The following DACH2 variants were observed in gnomAD, a reference collection of about 807,000 sequenced individuals.
The protein encoded by DACH2 is dachshund homolog 2.
DACH2 carries 17 observed loss-of-function variants against 35.8 expected under a neutral mutation model. That is an observed-to-expected ratio of 0.48 (90% confidence interval 0.33 to 0.71). The LOEUF is 0.71. Among genes scored for constraint, DACH2 ranks in the 30% least tolerant of loss-of-function variants. The pLI, the probability that DACH2 is intolerant of heterozygous loss-of-function variation, is 0.02. For missense variants in DACH2, 469 were observed against 472.7 expected, an observed-to-expected ratio of 0.99 and a Z score of 0.07; for synonymous variants, 195 against 177.3, an observed-to-expected ratio of 1.10 and a Z score of -0.79.
intron 6 of DACH2, among the ~76,000 whole-genome samples, chrX:86,733,079 A>G (rs1602867621): frequency 8.9e-6 from 1 of 111,823 alleles, no homozygotes; most frequent in Middle Eastern, 4.7e-3. Flanking sequence ...GAATGTTTAC[A>G]TGTGAATTAT....
At chrX:86,725,448 C>G (rs1321994282) in intron 6 of DACH2, among the ~76,000 whole-genome samples, 2 of 111,327 alleles carry the variant, frequency 1.8e-5, no homozygotes, top group Non-Finnish European at 3.8e-5. Context: ...GTGATTTCCT[C>G]CGTGGTTAGG....
intron 11 of DACH2, among the ~76,000 whole-genome samples, chrX:86,824,111 A>C (rs2042540025): frequency 1.8e-5 from 2 of 110,809 alleles, no homozygotes; most frequent in African/African-American, 6.6e-5. Flanking sequence ...GTTTTTCCCC[A>C]CCCTAGTAAG....
chrX:86,183,893 T>C (rs1398084318), intron 1 of DACH2, among the ~76,000 whole-genome samples: 1 of 111,585 alleles, frequency 9.0e-6, no homozygotes, highest in Non-Finnish European at 1.9e-5. Flanking sequence ...TTCTTCCTGG[T>C]TTAGACTTGG....
At chrX:86,784,627 G>C (rs1355296471) in intron 7 of DACH2, among the ~76,000 whole-genome samples, 2 of 111,922 alleles carry the variant, frequency 1.8e-5, no homozygotes, top group Non-Finnish European at 3.8e-5. Context: ...CTCATTATTG[G>C]ATATATGGCC....
At chrX:86,821,435 A>G (rs1356288663) in intron 11 of DACH2, among the ~76,000 whole-genome samples, 1 of 111,120 alleles carries the variant, frequency 9.0e-6, no homozygotes, top group Non-Finnish European at 1.9e-5. Flanking sequence ...CTAGCACACA[A>G]CCCACAGAGA....
chrX:86,208,938 G>A (rs757102037), intron 1 of DACH2, among the ~76,000 whole-genome samples: 100 of 111,434 alleles, frequency 9.0e-4, no homozygotes, highest in Non-Finnish European at 5.9e-4. Context: ...GCAGAATGCT[G>A]ATAGGGCCAA....
At chrX:86,741,665 CAA>C (rs2041657506) in intron 7 of DACH2, among the ~76,000 whole-genome samples, 2 of 111,469 alleles carry the variant, frequency 1.8e-5, no homozygotes, top group African/African-American at 6.5e-5. Context: ...CGAGAGTCTA[CAA>C]ATGAGTGACC....
chrX:86,308,822 T>C (rs1226815847), intron 1 of DACH2, among the ~76,000 whole-genome samples: 1 of 111,476 alleles, frequency 9.0e-6, no homozygotes, highest in East Asian at 2.8e-4. Flanking sequence ...ATAATGTCAA[T>C]GTGGTCCTTC....
chrX:86,171,521 T>C (rs928309651), intron 1 of DACH2, among the ~76,000 whole-genome samples: 1 of 111,794 alleles, frequency 8.9e-6, no homozygotes, highest in Non-Finnish European at 1.9e-5. Context: ...TGGCTCAAGT[T>C]TGGACAGCTG....
intron 1 of DACH2, among the ~76,000 whole-genome samples, chrX:86,241,755 G>T (rs1363933895): frequency 8.9e-6 from 1 of 112,406 alleles, no homozygotes; most frequent in Non-Finnish European, 1.9e-5. Flanking sequence ...TGTGAGCCAG[G>T]TCCAGGGCTC....
intron 3 of DACH2, among the ~76,000 whole-genome samples, chrX:86,521,727 G>T (rs1404902824): frequency 8.9e-6 from 1 of 111,942 alleles, no homozygotes; most frequent in Non-Finnish European, 1.9e-5. Flanking sequence ...GGAGGAATCT[G>T]CAGAGCTCTA....
intron 1 of DACH2, among the ~76,000 whole-genome samples, chrX:86,176,536 T>G (rs745731750): frequency 9.0e-6 from 1 of 111,274 alleles, no homozygotes; most frequent in South Asian, 3.8e-4. Flanking sequence ...ATCTAAAATT[T>G]TGTACTATAT....
intron 2 of DACH2, among the ~76,000 whole-genome samples, chrX:86,423,701 C>T (rs1231839891): frequency 9.1e-6 from 1 of 110,407 alleles, no homozygotes; most frequent in Non-Finnish European, 1.9e-5. Flanking sequence ...TGGTTGCTTG[C>T]ACTTGTGAGG....
chrX:86,372,744 G>A (rs1319486961), intron 1 of DACH2, among the ~76,000 whole-genome samples: 2 of 111,010 alleles, frequency 1.8e-5, no homozygotes, highest in Non-Finnish European at 3.8e-5. Context: ...TGTTGCTGAG[G>A]TTTGAGGTGT....
chrX:86,314,578 G>A (rs751608434), intron 1 of DACH2, among the ~76,000 whole-genome samples: 3 of 111,668 alleles, frequency 2.7e-5, no homozygotes, highest in Non-Finnish European at 1.9e-5. Context: ...CTCTAAGATA[G>A]GCAAAAATCT....
intron 2 of DACH2, among the ~76,000 whole-genome samples, chrX:86,462,223 C>A (rs1569410248): frequency 9.0e-6 from 1 of 111,600 alleles, no homozygotes; most frequent in African/African-American, 3.2e-5. Flanking sequence ...AAGAACAACA[C>A]CTTATTGCTC....
chrX:86,788,839 A>G (rs929440420), intron 7 of DACH2, among the ~76,000 whole-genome samples: 3 of 111,442 alleles, frequency 2.7e-5, no homozygotes, highest in African/African-American at 9.8e-5. Flanking sequence ...TTGATAAAAT[A>G]CCAACTTAAA....
rs145815722 is a variant in DACH2 at position 86,505,234 on chromosome X, A to G, written c.528-9045A>G. ...TGTAAGTCTATTAGTAACTGCAAAC[A>G]TAGCAACAATACTGTCTTATAATTG... On this transcript the variant is annotated intron_variant, in intron 2 of 11. Transcript: ENST00000373125. 2.4e-4 allele frequency among the ~76,000 whole-genome samples: 27 copies of G among 112,160 alleles called. No homozygotes were observed. In the East Asian group the frequency reaches 6.8e-3, roughly 28 times the overall value.
At chrX:86,152,091 A>C (rs1192167779) in intron 1 of DACH2, among the ~76,000 whole-genome samples, 2 of 111,458 alleles carry the variant, frequency 1.8e-5, no homozygotes, top group African/African-American at 6.5e-5. Flanking sequence ...GCGAATAGAA[A>C]CTCTTAAACA....
Sources: allele counts gnomAD v4.1 joint callset (sites outside exome capture counted in the v4.1 genomes callset), GRCh38; gene constraint gnomAD v4.1.1; transcripts MANE v1.5; gene names NCBI Gene and HGNC (gene_info 2026-07-23, HGNC 2026-07-21).